The following DPP6 variants were observed in gnomAD, a reference collection of about 807,000 sequenced individuals.
DPP6 encodes the protein dipeptidyl peptidase like 6.
DPP6 carries 69 observed loss-of-function variants against 122.6 expected under a neutral mutation model. That is an observed-to-expected ratio of 0.56 (90% CI 0.46 to 0.69). The LOEUF is 0.69. Ranked by LOEUF, DPP6 falls within the 30% of genes least tolerant of loss-of-function variation. The pLI, the probability that DPP6 is intolerant of heterozygous loss-of-function variation, is 0.00. For missense variants in DPP6, 928 were observed against 1,116.9 expected (o/e 0.83, Z 2.41); for synonymous variants, 418 against 433.1 (o/e 0.97, Z 0.43).
At chr7:154,852,275 C>T (rs1239515298) in intron 16 of DPP6, among the ~76,000 whole-genome samples, 1 of 152,184 alleles carries the variant, frequency 6.6e-6, no homozygotes, top group Admixed American at 6.5e-5. Flanking sequence ...AGATAGTGTG[C>T]ATGCTTCAGC....
intron 3 of DPP6, among the ~76,000 whole-genome samples, chr7:154,505,464 C>A (rs1168658863): frequency 6.6e-6 from 1 of 152,154 alleles, no homozygotes; most frequent in Admixed American, 6.5e-5. Flanking sequence ...CCCTTTATCT[C>A]CCAAGGATCC....
the DPP6 span, among the ~76,000 whole-genome samples, chr7:153,843,069 T>C: frequency 1.4e-5 from 2 of 147,042 alleles, no homozygotes; most frequent in Non-Finnish European, 3.0e-5. Flanking sequence ...CACGAGTGCA[T>C]ACACACGTGC....
the DPP6 span, among the ~76,000 whole-genome samples, chr7:153,819,793 T>C: frequency 6.6e-6 from 1 of 152,256 alleles, no homozygotes; most frequent in Non-Finnish European, 1.5e-5. Context: ...ATTTTATCTC[T>C]ATTTAAAAAA....
At chr7:154,564,278 G>A (rs1414963504) in intron 4 of DPP6, among the ~76,000 whole-genome samples, 1 of 152,126 alleles carries the variant, frequency 6.6e-6, no homozygotes, top group Non-Finnish European at 1.5e-5. Flanking sequence ...ATGGAAGCAT[G>A]GAGAATATTT....
chr7:154,440,579 C>G (rs1218615221), intron 1 of DPP6, among the ~76,000 whole-genome samples: 3 of 152,168 alleles, frequency 2.0e-5, no homozygotes, highest in African/African-American at 4.8e-5. Flanking sequence ...TTATTTAAAG[C>G]TATCAATTAC....
chr7:154,201,902 AT>A (rs780878502), intron 1 of DPP6, among the ~76,000 whole-genome samples: 2 of 152,160 alleles, frequency 1.3e-5, no homozygotes, highest in South Asian at 2.1e-4. Flanking sequence ...CTGTTTTTTA[AT>A]TTTTTTTGTT....
intron 1 of DPP6, among the ~76,000 whole-genome samples, chr7:153,975,419 T>C (rs1480316976): frequency 7.2e-6 from 1 of 138,458 alleles, no homozygotes; most frequent in Non-Finnish European, 1.5e-5. Flanking sequence ...ACCAAAACAG[T>C]TATGTTTCAG....
rs564159173 is a variant in DPP6 at position 154,190,263 on chromosome 7, G to A, written c.243+137200G>A. Among the ~76,000 whole-genome samples the A allele has an allele frequency of 9.9e-5, 15 of 152,278 alleles. No individual in the cohort carries two copies. In the South Asian group the frequency reaches 1.0e-3, roughly 11 times the overall value. The stretch of plus-strand genomic sequence containing the variant: ...TGCCAGGAAACCCTGATGCTGCCCC[G>A]GGGAGGTCTCCAGGTGAGTTTGATC... On this transcript the variant is annotated intron_variant, in intron 1 of 25. Coordinates refer to ENST00000377770, the MANE Select transcript of DPP6 (RefSeq NM_130797.4).
chr7:154,360,499 T>C (rs756852822), intron 1 of DPP6, among the ~76,000 whole-genome samples: 35 of 152,208 alleles, frequency 2.3e-4, no homozygotes, highest in Non-Finnish European at 4.8e-4. Flanking sequence ...ATGAAAACTT[T>C]CTTAGAATGT....
intron 16 of DPP6, among the ~76,000 whole-genome samples, chr7:154,815,248 C>A (rs1419338956): frequency 1.3e-5 from 2 of 152,188 alleles, no homozygotes; most frequent in Non-Finnish European, 2.9e-5. Flanking sequence ...CTTTGGATAG[C>A]AACTCTAGCA....
chr7:154,433,967 T>A (rs1291984218), intron 1 of DPP6, among the ~76,000 whole-genome samples: 3 of 152,238 alleles, frequency 2.0e-5, no homozygotes, highest in African/African-American at 7.2e-5. Context: ...CTAAAACACA[T>A]GCCTCAGGTC....
chr7:154,007,269 C>T (rs192425343), intron 1 of DPP6, among the ~76,000 whole-genome samples: 74 of 152,338 alleles, frequency 4.9e-4, no homozygotes, highest in African/African-American at 1.6e-3. Context: ...ATTCACTCAA[C>T]GTCTGTGAGT....
At chr7:154,233,521 C>A (rs963717691) in intron 1 of DPP6, among the ~76,000 whole-genome samples, 2 of 152,166 alleles carry the variant, frequency 1.3e-5, no homozygotes, top group South Asian at 4.1e-4. Flanking sequence ...TGGGTCCAAT[C>A]TAATATGACT....
At chr7:153,773,009 CATATA>C in the DPP6 span, among the ~76,000 whole-genome samples, 224 of 129,564 alleles carry the variant, frequency 1.7e-3, no homozygotes, top group African/African-American at 5.9e-3. Flanking sequence ...AAAGAAAAGA[CATATA>C]TTATATAATA....
At chr7:154,243,458 T>G (rs1052627571) in intron 1 of DPP6, among the ~76,000 whole-genome samples, 1 of 152,106 alleles carries the variant, frequency 6.6e-6, no homozygotes, top group African/African-American at 2.4e-5. Context: ...AATAAAATTT[T>G]AGAACTGAAA....
At chr7:154,750,670 CAG>C (rs1387810045) in intron 8 of DPP6, among the ~76,000 whole-genome samples, 1 of 152,198 alleles carries the variant, frequency 6.6e-6, no homozygotes, top group Non-Finnish European at 1.5e-5. Flanking sequence ...TCTCCAGTAA[CAG>C]ATATAGAATG....
chr7:153,950,617 C>T (rs1055181472), intron 1 of DPP6, among the ~76,000 whole-genome samples: 4 of 152,194 alleles, frequency 2.6e-5, no homozygotes, highest in Non-Finnish European at 5.9e-5. Flanking sequence ...GAAAGATTGG[C>T]AGCCCCTTAG....
the DPP6 span, among the ~76,000 whole-genome samples, chr7:153,812,113 A>G: frequency 3.3e-5 from 5 of 152,048 alleles, no homozygotes; most frequent in Middle Eastern, 3.2e-3. Flanking sequence ...CTCCTCTTTC[A>G]TCTTTTCCTC....
intron 1 of DPP6, among the ~76,000 whole-genome samples, chr7:154,060,448 A>G (rs1265395104): frequency 1.5e-5 from 2 of 136,562 alleles, no homozygotes; most frequent in Non-Finnish European, 3.2e-5. Flanking sequence ...ACTGCGAGCC[A>G]GACCCTCTTC....
Sources: allele counts gnomAD v4.1 joint callset (sites outside exome capture counted in the v4.1 genomes callset), GRCh38; gene constraint gnomAD v4.1.1; transcripts MANE v1.5; gene names NCBI Gene and HGNC (gene_info 2026-07-23, HGNC 2026-07-21).